TNFSF4: variants seen among roughly 807,000 people sequenced by gnomAD.
TNFSF4 encodes TNF superfamily member 4.
Under a neutral mutation model 7.3 loss-of-function variants are expected in TNFSF4, and 4 were observed. The observed-to-expected ratio is 0.55, with a 90% CI of 0.27 to 1.25. The LOEUF (loss-of-function observed/expected upper bound fraction) is 1.25, where lower values mean the gene tolerates loss of function less well. TNFSF4 is among the 50% of genes most tolerant of loss of function. The pLI, the probability that TNFSF4 is intolerant of heterozygous loss-of-function variation, is 0.12. For missense variants in TNFSF4, 181 were observed against 208.8 expected, an observed-to-expected ratio of 0.87 and a Z score of 0.82; for synonymous variants, 76 against 83.7, an observed-to-expected ratio of 0.91 and a Z score of 0.50.
chr1:173,295,628 G>A, the TNFSF4 span, among the ~76,000 whole-genome samples: 1 of 151,934 alleles, frequency 6.6e-6, no homozygotes, highest in African/African-American at 2.4e-5. Flanking sequence ...TTAATCCTCA[G>A]GCCTGAAGAG....
the TNFSF4 span, among the ~76,000 whole-genome samples, chr1:173,227,381 T>A: frequency 6.6e-6 from 1 of 152,228 alleles, no homozygotes; most frequent in African/African-American, 2.4e-5. Flanking sequence ...CATCTCAGAC[T>A]TTCCATTCAT....
chr1:173,415,848 T>G, the TNFSF4 span, among the ~76,000 whole-genome samples: 7 of 152,240 alleles, frequency 4.6e-5, no homozygotes, highest in African/African-American at 1.7e-4. Context: ...TGTTTTTGTT[T>G]GTCTGTTTTG....
chr1:173,395,001 T>C, the TNFSF4 span, among the ~76,000 whole-genome samples: 22 of 123,940 alleles, frequency 1.8e-4, no homozygotes, highest in Non-Finnish European at 3.2e-4. Context: ...GATAGATAGA[T>C]AGATAGATAG....
At chr1:173,372,765 T>G in the TNFSF4 span, among the ~76,000 whole-genome samples, 1 of 152,178 alleles carries the variant, frequency 6.6e-6, no homozygotes, top group African/African-American at 2.4e-5. Context: ...AATACACATG[T>G]GTGTGGCCCT....
At chr1:173,212,395 A>G in the TNFSF4 span, among the ~76,000 whole-genome samples, 1 of 152,164 alleles carries the variant, frequency 6.6e-6, no homozygotes, top group African/African-American at 2.4e-5. Flanking sequence ...ATCTCCCTAA[A>G]CAACCACTGA....
the TNFSF4 span, among the ~76,000 whole-genome samples, chr1:173,434,491 C>G: frequency 6.6e-6 from 1 of 152,196 alleles, no homozygotes; most frequent in African/African-American, 2.4e-5. Flanking sequence ...AAAGAAGATG[C>G]CAGTGAGGCA....
At chr1:173,255,255 A>C in the TNFSF4 span, among the ~76,000 whole-genome samples, 9 of 152,254 alleles carry the variant, frequency 5.9e-5, no homozygotes, top group African/African-American at 2.2e-4. Context: ...CTTCCTTTTT[A>C]TCTAATTACT....
At chr1:173,369,243 A>G in the TNFSF4 span, among the ~76,000 whole-genome samples, 1 of 152,170 alleles carries the variant, frequency 6.6e-6, no homozygotes, top group South Asian at 2.1e-4. Flanking sequence ...GAGGCACATC[A>G]TCTTTATAGG....
chr1:173,406,310 A>G, the TNFSF4 span, among the ~76,000 whole-genome samples: 3 of 152,290 alleles, frequency 2.0e-5, no homozygotes, highest in African/African-American at 7.2e-5. Flanking sequence ...ATTATTATTT[A>G]CTGTACTCTA....
At chr1:173,339,085 C>A in the TNFSF4 span, among the ~76,000 whole-genome samples, 1 of 152,174 alleles carries the variant, frequency 6.6e-6, no homozygotes, top group Non-Finnish European at 1.5e-5. Context: ...TTTGGATCAT[C>A]TCATTAGATA....
chr1:173,333,346 C>T, the TNFSF4 span, among the ~76,000 whole-genome samples: 1 of 152,120 alleles, frequency 6.6e-6, no homozygotes, highest in Admixed American at 6.5e-5. Context: ...TAAAAGCTGA[C>T]CCTCTTGCAA....
the TNFSF4 span, among the ~76,000 whole-genome samples, chr1:173,419,343 GAA>G: frequency 7.8e-5 from 9 of 115,794 alleles, no homozygotes; most frequent in Admixed American, 9.1e-5. Context: ...CTCCGTCTCA[GAA>G]AAAAAAAAAA....
At chr1:173,440,148 G>A in the TNFSF4 span, among the ~76,000 whole-genome samples, 1 of 152,166 alleles carries the variant, frequency 6.6e-6, no homozygotes, top group African/African-American at 2.4e-5. Flanking sequence ...CTGAGTCTGG[G>A]AAAGACCTTC....
At chr1:173,242,985 C>A in the TNFSF4 span, among the ~76,000 whole-genome samples, 2 of 93,850 alleles carry the variant, frequency 2.1e-5, no homozygotes, top group African/African-American at 4.2e-5. Flanking sequence ...TGAAATTAAC[C>A]AGGTAAGAAG....
chr1:173,260,618 A>G, the TNFSF4 span, among the ~76,000 whole-genome samples: 25 of 152,234 alleles, frequency 1.6e-4, no homozygotes, highest in Admixed American at 3.3e-4. Context: ...AAAGACACAC[A>G]TAGAATCAAA....
intron 1 of TNFSF4, among the ~76,000 whole-genome samples, chr1:173,204,902 A>AAC (rs367741572): frequency 8.4e-4 from 122 of 144,894 alleles, no homozygotes; most frequent in Middle Eastern, 3.5e-3. Context: ...AACACACAGA[A>AAC]ACACACACAC....
At chr1:173,399,609 CA>C in the TNFSF4 span, among the ~76,000 whole-genome samples, 3,077 of 130,812 alleles carry the variant, frequency 0.024, 90 homozygotes, top group African/African-American at 0.074. Flanking sequence ...TCTGTATGGA[CA>C]AAAAAAAAAA....
the TNFSF4 span, among the ~76,000 whole-genome samples, chr1:173,284,046 G>A: frequency 6.6e-6 from 1 of 152,054 alleles, no homozygotes; most frequent in Non-Finnish European, 1.5e-5. Context: ...TGAGTGATCT[G>A]GAAAGATCAA....
At chr1:173,421,936 C>T in the TNFSF4 span, among the ~76,000 whole-genome samples, 44 of 152,268 alleles carry the variant, frequency 2.9e-4, no homozygotes, top group South Asian at 3.9e-3. Context: ...CCAGCCATAT[C>T]TTCCAGTATT....
Sources: gnomAD v4.1 joint callset for allele counts (sites outside exome capture counted in the v4.1 genomes callset) on GRCh38, gnomAD v4.1.1 for gene constraint, MANE v1.5 for transcripts, NCBI Gene and HGNC (gene_info 2026-07-23, HGNC 2026-07-21) for gene names.